Variants in UNC13C observed in about 807,000 individuals in gnomAD.
UNC13C encodes the protein unc-13 homolog C.
UNC13C carries 174 observed loss-of-function variants against 245.4 expected under a neutral mutation model. The ratio of observed to expected loss-of-function variants is 0.71; its 90% CI spans 0.63 to 0.80. The LOEUF (loss-of-function observed/expected upper bound fraction) is 0.80. Among genes scored for constraint, UNC13C ranks in the 30% least tolerant of loss-of-function variants. The probability of loss-of-function intolerance (pLI) is 0.00; values close to 1 mark genes in which losing one functional copy is unlikely to be tolerated. For missense variants in UNC13C, 2,829 were observed against 2,602.9 expected (o/e 1.09, Z -1.89); for synonymous variants, 992 against 895.1 (o/e 1.11, Z -1.93).
chr15:54,540,090 G>C (rs1235485801), intron 26 of UNC13C, among the ~76,000 whole-genome samples: 1 of 152,000 alleles, frequency 6.6e-6, no homozygotes, highest in Admixed American at 6.6e-5. Context: ...CACTGCATAG[G>C]GGAGATGCTT....
At chr15:53,924,314 G>C in the UNC13C span, among the ~76,000 whole-genome samples, 1 of 152,202 alleles carries the variant, frequency 6.6e-6, no homozygotes, top group Non-Finnish European at 1.5e-5. Context: ...TTTACCAGCT[G>C]TGTGACCTTG....
the UNC13C span, among the ~76,000 whole-genome samples, chr15:53,889,344 CT>C: frequency 1.3e-5 from 2 of 152,146 alleles, no homozygotes; most frequent in African/African-American, 4.8e-5. Flanking sequence ...CATGATTTGG[CT>C]CTCTGTTTGA....
chr15:54,558,824 C>T (rs1046611963), intron 29 of UNC13C, among the ~76,000 whole-genome samples: 9 of 151,948 alleles, frequency 5.9e-5, no homozygotes, highest in African/African-American at 2.2e-4. Context: ...GATAATCAGT[C>T]ACCCAATCTA....
chr15:54,008,422 T>C (rs145805725), intron 1 of UNC13C, among the ~76,000 whole-genome samples: 6 of 152,356 alleles, frequency 3.9e-5, no homozygotes, highest in African/African-American at 1.4e-4. Context: ...GCTTGGTACA[T>C]AGTAAATAAT....
intron 2 of UNC13C, among the ~76,000 whole-genome samples, chr15:54,057,410 A>T (rs563015896): frequency 6.6e-6 from 1 of 151,436 alleles, no homozygotes; most frequent in South Asian, 2.1e-4. Flanking sequence ...AGAAGAGCTA[A>T]CTATCCTAAA....
At chr15:53,899,915 C>A in the UNC13C span, among the ~76,000 whole-genome samples, 1 of 152,158 alleles carries the variant, frequency 6.6e-6, no homozygotes, top group Non-Finnish European at 1.5e-5. Flanking sequence ...TCACCCAGTT[C>A]TGCATGGTTC....
the UNC13C span, among the ~76,000 whole-genome samples, chr15:53,857,565 G>A: frequency 6.6e-6 from 1 of 152,162 alleles, no homozygotes; most frequent in Admixed American, 6.6e-5. Context: ...CAGAGCTTTA[G>A]CAAATTATTA....
intron 17 of UNC13C, among the ~76,000 whole-genome samples, chr15:54,348,496 T>C (rs1050430222): frequency 1.3e-5 from 2 of 152,172 alleles, no homozygotes; most frequent in Non-Finnish European, 2.9e-5. Context: ...ATGAAAATTC[T>C]ATCAAAAAAC....
At chr15:54,360,758 G>GT (rs537636271) in intron 17 of UNC13C, among the ~76,000 whole-genome samples, 19 of 152,082 alleles carry the variant, frequency 1.2e-4, no homozygotes, top group Admixed American at 2.0e-4. Context: ...TGGTTGGCAG[G>GT]TTTTTGGGTT....
At chr15:54,026,230 C>T (rs74867399) in intron 2 of UNC13C, among the ~76,000 whole-genome samples, 9,050 of 152,102 alleles carry the variant, frequency 0.059, 401 homozygotes, top group East Asian at 0.14. Flanking sequence ...CCTCATAAAA[C>T]GTTAATGGAG....
chr15:54,386,544 G>A (rs2039841389), intron 17 of UNC13C, among the ~76,000 whole-genome samples: 1 of 152,136 alleles, frequency 6.6e-6, no homozygotes, highest in South Asian at 2.1e-4. Flanking sequence ...TTGGTTTTCA[G>A]TTAAAAATTA....
chr15:54,187,138 ACGTATGCATTT>A (rs1398597265), intron 4 of UNC13C, among the ~76,000 whole-genome samples: 3 of 152,092 alleles, frequency 2.0e-5, no homozygotes, highest in African/African-American at 7.2e-5. Flanking sequence ...ATGAGCTCAC[ACGTATGCATTT>A]CCTGAGAGTA....
At chr15:54,095,307 T>C (rs994512233) in intron 2 of UNC13C, among the ~76,000 whole-genome samples, 7 of 152,192 alleles carry the variant, frequency 4.6e-5, no homozygotes, top group African/African-American at 1.7e-4. Flanking sequence ...GGATCTCCTA[T>C]TTCCCATAGA....
At chr15:54,359,948 G>A (rs12442840) in intron 17 of UNC13C, among the ~76,000 whole-genome samples, 35,014 of 151,468 alleles carry the variant, frequency 0.23, 4,239 homozygotes, top group East Asian at 0.27. Context: ...TGATGTAAGT[G>A]TTTATTGCTA....
At chr15:54,250,749 C>CTTTCTTTCTTTCTTTCTTTCTT (rs1475632016) in intron 8 of UNC13C, among the ~76,000 whole-genome samples, 2 of 88,874 alleles carry the variant, frequency 2.3e-5, no homozygotes, top group African/African-American at 7.9e-5. Flanking sequence ...TTCTTTCTTT[C>CTTTCTTTCTTTCTTTCTTTCTT]TTTTTTTTTT....
At chr15:54,168,433 T>C (rs997600925) in intron 4 of UNC13C, among the ~76,000 whole-genome samples, 4 of 152,210 alleles carry the variant, frequency 2.6e-5, no homozygotes, top group African/African-American at 9.6e-5. Flanking sequence ...ATATTTCTGG[T>C]TCCTTGTAAG....
chr15:54,126,335 A>T (rs2031036454), intron 2 of UNC13C, among the ~76,000 whole-genome samples: 1 of 152,196 alleles, frequency 6.6e-6, no homozygotes, highest in Non-Finnish European at 1.5e-5. Flanking sequence ...AGCCATGCTA[A>T]TATTAGATAA....
chr15:53,878,749 T>C, the UNC13C span, among the ~76,000 whole-genome samples: 1 of 152,220 alleles, frequency 6.6e-6, no homozygotes, highest in East Asian at 1.9e-4. Context: ...AGTTTACTTC[T>C]GAAATCACTA....
At chr15:54,145,580 T>A (rs2032219670) in intron 4 of UNC13C, among the ~76,000 whole-genome samples, 2 of 152,230 alleles carry the variant, frequency 1.3e-5, no homozygotes, top group Middle Eastern at 3.2e-3. Context: ...GACTCTCTAC[T>A]ACAACACCAT....
Sources: allele counts gnomAD v4.1 joint callset (sites outside exome capture counted in the v4.1 genomes callset), GRCh38; gene constraint gnomAD v4.1.1; transcripts MANE v1.5; gene names NCBI Gene and HGNC (gene_info 2026-07-23, HGNC 2026-07-21).